The following TMEM132C variants were observed in gnomAD, a reference collection of about 807,000 sequenced individuals.
The protein encoded by TMEM132C is protein phosphatase 1, regulatory subunit 152.
TMEM132C carries 29 observed loss-of-function variants against 61.4 expected under a neutral mutation model. The ratio of observed to expected loss-of-function variants is 0.47; its 90% confidence interval spans 0.35 to 0.64. The LOEUF (loss-of-function observed/expected upper bound fraction) is 0.64. Among genes scored for constraint, TMEM132C ranks in the 30% least tolerant of loss-of-function variants. The pLI, the probability that TMEM132C is intolerant of heterozygous loss-of-function variation, is 0.00. For missense variants in TMEM132C, 1,408 were observed against 1,476.9 expected (o/e 0.95, Z 0.76); for synonymous variants, 656 against 633.1 (o/e 1.04, Z -0.54).
At chr12:128,509,036 A>C (rs1232657307) in intron 2 of TMEM132C, among the ~76,000 whole-genome samples, 2 of 152,112 alleles carry the variant, frequency 1.3e-5, no homozygotes, top group African/African-American at 2.4e-5. Flanking sequence ...GCCTCAGAAG[A>C]TGTTATTGGG....
intron 1 of TMEM132C, among the ~76,000 whole-genome samples, chr12:128,319,391 G>A (rs1013159457): frequency 2.0e-5 from 3 of 152,032 alleles, no homozygotes; most frequent in African/African-American, 7.2e-5. Context: ...CAGTGTGTGT[G>A]TGTGTGTCTG....
chr12:128,380,785 T>A (rs1034782548), intron 1 of TMEM132C, among the ~76,000 whole-genome samples: 3 of 152,104 alleles, frequency 2.0e-5, no homozygotes, highest in Admixed American at 6.5e-5. Flanking sequence ...CAGAGCTAGG[T>A]CCCTACAAGC....
intron 4 of TMEM132C, among the ~76,000 whole-genome samples, chr12:128,659,820 C>G (rs1252936194): frequency 6.6e-6 from 1 of 152,216 alleles, no homozygotes; most frequent in African/African-American, 2.4e-5. Flanking sequence ...AGTGGCTTCT[C>G]CAGTCCAGGG....
chr12:128,344,896 A>AT (rs1873099648), intron 1 of TMEM132C, among the ~76,000 whole-genome samples: 1 of 151,184 alleles, frequency 6.6e-6, no homozygotes, highest in Non-Finnish European at 1.5e-5. Flanking sequence ...GTTGAGCCTA[A>AT]TGCTTTCCTT....
chr12:128,705,743 A>AG lies in TMEM132C; in HGVS notation c.2778dup (p.Met927AspfsTer51), dbSNP rs1455801569. The AG allele has an allele frequency of 1.5e-5, 23 of 1,551,490 alleles. No homozygotes were observed. Among genetic ancestry groups the AG allele is most frequent in the Non-Finnish European group, 2.0e-5 (23 of 1,146,994 alleles). On this transcript the variant is annotated frameshift_variant, in exon 9 of 9. Transcript: ENST00000435159. LOFTEE classifies it low-confidence loss of function (END_TRUNC). ...CGCGGGGCCTGAGTGATCTGGAGATAGGGATGTACGCCCTCCTGGGGGTGT... is the reference window on the plus strand; with the variant it reads ...CGCGGGGCCTGAGTGATCTGGAGATAGGGGATGTACGCCCTCCTGGGGGTGT...
At chr12:128,475,381 T>C (rs1871124160) in intron 2 of TMEM132C, among the ~76,000 whole-genome samples, 1 of 152,110 alleles carries the variant, frequency 6.6e-6, no homozygotes, top group Non-Finnish European at 1.5e-5. Flanking sequence ...GAGAACAGAT[T>C]AGCAGTTGCA....
chr12:128,567,651 G>A (rs1236590927), intron 3 of TMEM132C, among the ~76,000 whole-genome samples: 1 of 152,010 alleles, frequency 6.6e-6, no homozygotes, highest in East Asian at 1.9e-4. Context: ...TCCACTTTAA[G>A]GTGTTTTGAT....
chr12:128,654,404 C>T (rs1388910823), intron 4 of TMEM132C, among the ~76,000 whole-genome samples: 1 of 152,136 alleles, frequency 6.6e-6, no homozygotes, highest in African/African-American at 2.4e-5. Context: ...GCCCTGCTCA[C>T]AACTTGATTT....
At chr12:128,270,488 A>G (rs1335425467) in intron 1 of TMEM132C, among the ~76,000 whole-genome samples, 7 of 152,210 alleles carry the variant, frequency 4.6e-5, no homozygotes, top group African/African-American at 1.7e-4. Flanking sequence ...AATGAATTAA[A>G]TACAACCAAC....
chr12:128,689,049 C>T (rs1366677693), intron 5 of TMEM132C, among the ~76,000 whole-genome samples: 1 of 151,898 alleles, frequency 6.6e-6, no homozygotes, highest in Non-Finnish European at 1.5e-5. Context: ...AACTCCTGAT[C>T]TCAAGTGATC....
intron 2 of TMEM132C, among the ~76,000 whole-genome samples, chr12:128,524,227 C>T (rs1269435404): frequency 2.6e-5 from 4 of 152,040 alleles, no homozygotes; most frequent in Non-Finnish European, 4.4e-5. Flanking sequence ...CTATGGGGTA[C>T]CCTTTGGAAA....
rs112260580 is a variant in TMEM132C, at chr12:128,282,116, A to G, written c.85+14629A>G. On this transcript the variant is annotated intron_variant, in intron 1 of 8. Coordinates refer to ENST00000435159, the MANE Select transcript of TMEM132C (RefSeq NM_001136103.3). The stretch of plus-strand genomic sequence containing the variant: ...AATAGGTGCCTAGAACTTTTGTCCC[A>G]TGAACCATCTCAGAGTAACTGGCTG... Among the ~76,000 whole-genome samples, 330 of 152,350 alleles carry G rather than the reference A, an allele frequency of 2.2e-3. 1 individual carries two copies. Among genetic ancestry groups the G allele is most frequent in the Middle Eastern group, 0.017 (5 of 294 alleles).
intron 1 of TMEM132C, among the ~76,000 whole-genome samples, chr12:128,345,406 C>T (rs1264421049): frequency 6.6e-6 from 1 of 152,082 alleles, no homozygotes; most frequent in Admixed American, 6.5e-5. Flanking sequence ...ATTTATATTC[C>T]TTTGAGTATA....
At chr12:128,303,972 C>T (rs543433450) in intron 1 of TMEM132C, among the ~76,000 whole-genome samples, 6 of 152,140 alleles carry the variant, frequency 3.9e-5, no homozygotes, top group South Asian at 4.2e-4. Context: ...TCTTGACCAA[C>T]GAGACCCAAC....
intron 3 of TMEM132C, 78 bp downstream of exon 3, chr12:128,544,181 T>C: frequency 7.0e-7 from 1 of 1,433,884 alleles, no homozygotes. Context: ...GAGCCTTGAC[T>C]TGGACTCGCG....
chr12:128,310,684 G>T (rs1025623155), intron 1 of TMEM132C, among the ~76,000 whole-genome samples: 9 of 152,090 alleles, frequency 5.9e-5, no homozygotes, highest in African/African-American at 1.9e-4. Flanking sequence ...CTCCAATACT[G>T]GGGATCACAT....
intron 1 of TMEM132C, among the ~76,000 whole-genome samples, chr12:128,271,596 T>A (rs1044183676): frequency 6.6e-6 from 1 of 152,208 alleles, no homozygotes; most frequent in Non-Finnish European, 1.5e-5. Flanking sequence ...TTGGGTGTAA[T>A]TTCTTTTATG....
intron 2 of TMEM132C, among the ~76,000 whole-genome samples, chr12:128,495,799 G>T (rs1399917392): frequency 6.6e-6 from 1 of 152,064 alleles, no homozygotes; most frequent in Non-Finnish European, 1.5e-5. Context: ...TTGCCAGTCT[G>T]TGTCTTTTAA....
intron 2 of TMEM132C, among the ~76,000 whole-genome samples, chr12:128,543,101 T>C (rs918314313): frequency 1.3e-5 from 2 of 152,180 alleles, no homozygotes; most frequent in African/African-American, 4.8e-5. Flanking sequence ...ACAGCAGCTT[T>C]AGGAGGAGCT....
Sources: allele counts gnomAD v4.1 joint callset (sites outside exome capture counted in the v4.1 genomes callset), GRCh38; gene constraint gnomAD v4.1.1; transcripts MANE v1.5; gene names NCBI Gene and HGNC (gene_info 2026-07-23, HGNC 2026-07-21).